Variants in ING4 observed in about 807,000 individuals in gnomAD.
ING4 encodes the protein inhibitor of growth family member 4, also known as inhibitor of growth protein 4.
A neutral mutation model predicts 33.1 loss-of-function variants in ING4; 28 were observed. The ratio of observed to expected loss-of-function variants is 0.85; its 90% CI spans 0.63 to 1.16. The LOEUF (loss-of-function observed/expected upper bound fraction) is 1.16. ING4 is among the 50% of genes most tolerant of loss of function. ING4 has a pLI of 0.00. For synonymous variants in ING4, 87 were observed against 104.4 expected, an observed-to-expected ratio of 0.83 and a Z score of 1.02; for missense variants, 247 against 314.7, an observed-to-expected ratio of 0.78 and a Z score of 1.63.
intron 1 of ING4, among the ~76,000 whole-genome samples, chr12:6,661,083 C>T (rs904883015): frequency 1.3e-5 from 2 of 151,354 alleles, no homozygotes; most frequent in African/African-American, 2.4e-5. Context: ...CGTGAGCCAC[C>T]GCTCCCAGCC....
At chr12:6,651,914 G>A (rs750314688) in intron 6 of ING4, among the ~76,000 whole-genome samples, 5 of 143,478 alleles carry the variant, frequency 3.5e-5, no homozygotes, top group African/African-American at 5.2e-5. Flanking sequence ...GTGTGGTGGC[G>A]TGATCTCAGC....
chr12:6,652,740 G>A lies in ING4; in HGVS notation c.419C>T (p.Ala140Val). 6.2e-7 allele frequency: 1 copy of A among 1,614,154 alleles called. No homozygotes were observed. Among genetic ancestry groups the A allele is most frequent in the East Asian group, 2.2e-5 (1 of 44,880 alleles). ...GTTTTTCCCTTTGGAACGAGCACGA[G>A]CAGCTTTCTTCTCCTTTTGAGTCCG... ...KSRTQKEKKA[A>V]RARSKGKNSD... The change falls in exon 5 of 8, where the codon GCT becomes GTT. Residue 140 changes from alanine to valine, a missense_variant. By Grantham distance (64) the Ala-to-Val change is moderately conservative. Coordinates refer to ENST00000341550, the MANE Select transcript of ING4 (RefSeq NM_016162.4).
rs1437815096 is a variant in ING4 at position 6,660,657 on chromosome 12, AT to A, written c.37+2407del. 2.0e-5 allele frequency among the ~76,000 whole-genome samples: 3 copies of A among 152,170 alleles called. No individual in the cohort carries two copies. The South Asian group carries it at 6.2e-4, about 32-fold the overall frequency. On this transcript the variant is annotated intron_variant, in intron 1 of 7. Transcript: ENST00000341550. ...ACTAAAATAAAATAAATAAAAAAAA[AT>A]AAAATGCCTCTACTGTTTAAACCTA...
intron 7 of ING4, 32 bp from the exon 8 acceptor site, chr12:6,651,266 G>A: frequency 6.2e-7 from 1 of 1,614,036 alleles, no homozygotes; most frequent in Non-Finnish European, 8.5e-7. Flanking sequence ...AAAAGTGAGT[G>A]AAAGGGAGAA....
chr12:6,657,041 C>G (rs887022601), intron 1 of ING4, among the ~76,000 whole-genome samples: 1 of 152,136 alleles, frequency 6.6e-6, no homozygotes, highest in Non-Finnish European at 1.5e-5. Context: ...CTAATCCCAG[C>G]TACTTGGGAG....
chr12:6,660,695 C>T (rs1949520314), intron 1 of ING4, among the ~76,000 whole-genome samples: 1 of 152,144 alleles, frequency 6.6e-6, no homozygotes, highest in African/African-American at 2.4e-5. Context: ...AACTTCAGGT[C>T]TGCTACCACC....
intron 2 of ING4, chr12:6,655,775 C>T (rs929954785): frequency 4.4e-6 from 2 of 456,154 alleles, no homozygotes; most frequent in South Asian, 3.2e-5. Flanking sequence ...AACATGGCTA[C>T]ATAGAATGAA....
chr12:6,652,411 C>T lies in ING4; in HGVS notation c.505G>A (p.Glu169Lys). Residue 169 changes from glutamate (E) to lysine (K), a missense_variant, in exon 6 of 8, where the codon GAG (glutamate) becomes AAG (lysine). This residue lies in a region of ING4 where 198 missense variants were observed against 221.2 expected (regional missense o/e 0.89). Coordinates refer to ENST00000341550, the MANE Select transcript of ING4 (RefSeq NM_016162.4). ...AAGGTCACTGAGGGCATCCCATACTCAGGACTTCTGCATGCCAAGAGGAAG... is the reference window on the plus strand; with the variant it reads ...AAGGTCACTGAGGGCATCCCATACTTAGGACTTCTGCATGCCAAGAGGAAG... ...KKLKLVRTSP[E>K]YGMPSVTFGS... The T allele has an allele frequency of 6.2e-7, 1 of 1,613,966 alleles. No homozygotes were observed. Among genetic ancestry groups the T allele is most frequent in the Non-Finnish European group, 8.5e-7 (1 of 1,179,942 alleles).
intron 2 of ING4, among the ~76,000 whole-genome samples, chr12:6,653,795 A>G (rs1470066544): frequency 6.6e-6 from 1 of 152,230 alleles, no homozygotes; most frequent in Non-Finnish European, 1.5e-5. Context: ...TCTGCCGCAA[A>G]TCAGGCTGAG....
rs200352672 is a variant in ING4, at chr12:6,656,804, G to A, written c.38-6C>T. On this transcript the variant is annotated splice_polypyrimidine_tract_variant and splice_region_variant and intron_variant, in intron 1 of 7. Coordinates refer to ENST00000341550, the MANE Select transcript of ING4 (RefSeq NM_016162.4). ...AAAGGGAAGGTTTTCAATACCTAGG[G>A]AAGAGAGAGAAACAATCACAGGACT... 7 of 1,531,836 alleles carry A rather than the reference G, an allele frequency of 4.6e-6. No individual in the cohort carries two copies. The highest frequency in any genetic ancestry group is 2.2e-5 in the Admixed American group (1 of 46,090). The allele number at this position is 1,531,836 out of a possible 1,614,324, so 94.9% of individuals were successfully genotyped here. A position where few individuals can be genotyped will look rare whatever the true frequency, so the allele number is the denominator to read the frequency against.
chr12:6,662,196 C>T (rs1244943922), intron 1 of ING4, among the ~76,000 whole-genome samples: 1 of 152,222 alleles, frequency 6.6e-6, no homozygotes, highest in East Asian at 1.9e-4. Flanking sequence ...TGGCAAATAA[C>T]CTTCAAGACC....
intron 2 of ING4, chr12:6,655,664 T>C (rs1173137323): frequency 1.1e-5 from 12 of 1,102,038 alleles, no homozygotes; most frequent in Non-Finnish European, 1.4e-5. Context: ...CTCAGGGAAC[T>C]GTGTCCAGGG....
chr12:6,656,242 T>C (rs369382813), intron 2 of ING4, among the ~76,000 whole-genome samples: 1 of 151,704 alleles, frequency 6.6e-6, no homozygotes, highest in Non-Finnish European at 1.5e-5. Context: ...GTGGCATGAT[T>C]TGGGCTCACT....
intron 1 of ING4, among the ~76,000 whole-genome samples, chr12:6,661,042 T>A (rs1014527556): frequency 6.6e-6 from 1 of 150,750 alleles, no homozygotes; most frequent in African/African-American, 2.4e-5. Flanking sequence ...GATCCACCCA[T>A]CTCAGCCTCC....
At chr12:6,662,927 CCCT>C (rs1949605186) in intron 1 of ING4, 135 bp downstream of exon 1, 6 of 916,416 alleles carry the variant, frequency 6.5e-6, no homozygotes, top group Non-Finnish European at 1.0e-5. Context: ...TTTCTCCGCA[CCCT>C]CCAATATTTC....
chr12:6,653,346 G>A lies in ING4; in HGVS notation c.160C>T (p.Arg54Cys), dbSNP rs1471400428. ...AATTTTTCCTCGGAGCTCAGGCTGC[G>A]GGCACTACTCATATACTCAGTGGCC... Reference protein sequence around the residue: ...KLATEYMSSARSLSSEEKLAL... With the variant: ...KLATEYMSSACSLSSEEKLAL... Residue 54 changes from arginine (R) to cysteine (C), a missense_variant, in exon 3 of 8, where the codon CGC becomes TGC. This residue lies in a region of ING4 where 198 missense variants were observed against 221.2 expected (regional missense o/e 0.89). Transcript: ENST00000341550. The A allele has an allele frequency of 7.4e-6, 12 of 1,614,138 alleles. No individual in the cohort carries two copies. The highest frequency in any genetic ancestry group is 2.7e-5 in the African/African-American group (2 of 75,026).
chr12:6,651,247 AG>A lies in ING4; in HGVS notation c.708-14del. On this transcript the variant is annotated splice_polypyrimidine_tract_variant and intron_variant, in intron 7 of 7. Coordinates refer to ENST00000341550, the MANE Select transcript of ING4 (RefSeq NM_016162.4). ...GCGTGGGCAAAACCTGAAACAGAGA[AG>A]GGGAGAGAAAAGTGAGTGAAAGGGA... 6.2e-7 allele frequency: 1 copy of A among 1,614,174 alleles called. No homozygotes were observed.
At chr12:6,661,989 C>T (rs563934428) in intron 1 of ING4, among the ~76,000 whole-genome samples, 24 of 152,302 alleles carry the variant, frequency 1.6e-4, no homozygotes, top group African/African-American at 5.3e-4. Context: ...CTTCGTTTGG[C>T]TTAAAAGACC....
intron 2 of ING4, among the ~76,000 whole-genome samples, chr12:6,654,117 G>A (rs1353659012): frequency 6.6e-6 from 1 of 151,896 alleles, no homozygotes; most frequent in Non-Finnish European, 1.5e-5. Flanking sequence ...ATTATTGGGG[G>A]TGAGCTACCA....
Sources: gnomAD v4.1 joint callset for allele counts (sites outside exome capture counted in the v4.1 genomes callset) on GRCh38, gnomAD v4.1.1 for gene constraint, gnomAD v4.1.1 regional missense constraint, MANE v1.5 for transcripts, NCBI Gene and HGNC (gene_info 2026-07-23, HGNC 2026-07-21) for gene names.